Variants in MMP10 observed in about 807,000 individuals in gnomAD.
MMP10 encodes stromelysin-2.
A neutral mutation model predicts 49.1 loss-of-function variants in MMP10; 50 were observed. The observed-to-expected ratio is 1.02, with a 90% CI of 0.81 to 1.29. The LOEUF (loss-of-function observed/expected upper bound fraction) is 1.29, where lower values mean the gene tolerates loss of function less well. MMP10 is among the 50% of genes most tolerant of loss of function. MMP10 has a pLI of 0.00. For synonymous variants in MMP10, 229 were observed against 201.6 expected (o/e 1.14, Z -1.15); for missense variants, 613 against 563.8 (o/e 1.09, Z -0.88).
chr11:102,778,754 T>C lies in MMP10; in HGVS notation c.497-5A>G, dbSNP rs777365988. 1.2e-5 allele frequency: 20 copies of C among 1,613,472 alleles called. No individual in the cohort carries two copies. In the East Asian group the frequency reaches 4.0e-4, roughly 32 times the overall value. The stretch of plus-strand genomic sequence containing the variant: ...AAGAGTAAAAGTCTCCATGTTCTGA[T>C]AGGGAACAAATTAATGGAAATATAA... On this transcript the variant is annotated splice_polypyrimidine_tract_variant and splice_region_variant and intron_variant, in intron 3 of 9. Coordinates refer to ENST00000279441, the MANE Select transcript of MMP10 (RefSeq NM_002425.3).
chr11:102,779,639 C>A lies in MMP10; in HGVS notation c.212G>T (p.Gly71Val). 4 of 1,614,034 alleles carry A rather than the reference C, an allele frequency of 2.5e-6. No homozygotes were observed. Among genetic ancestry groups the A allele is most frequent in the Non-Finnish European group, 3.4e-6 (4 of 1,180,006 alleles). ...KKIQGMQKFL[G>V]LEVTGKLDTD... The stretch of plus-strand genomic sequence containing the variant: ...GTCTAGCTTCCCTGTCACCTCCAAC[C>A]CAAGGAACTTCTGCATTCCTTGGAT... Residue 71 changes from glycine to valine, a missense_variant, in exon 2 of 10, where the codon GGG (glycine) becomes GTG (valine). Coordinates refer to ENST00000279441, the MANE Select transcript of MMP10 (RefSeq NM_002425.3).
chr11:102,775,048 T>C, intron 7 of MMP10, 140 bp downstream of exon 7: 1 of 586,612 alleles, frequency 1.7e-6, no homozygotes, highest in Non-Finnish European at 2.6e-6. Context: ...TTTATAATGT[T>C]CTTTGTACAA....
rs1159786677 is a variant in MMP10 at position 102,776,768 on chromosome 11, A to C, written c.631T>G (p.Leu211Val). ...AGTTCATGAGCAGCAACGAGGAATA[A>C]ATTGGTGCCTGTATGAAAATCATAA... ...KWTEDASGTN[L>V]FLVAAHELGH... is the part of the protein sequence containing the mutation. The change falls in exon 5 of 10, where the codon TTA (leucine) becomes GTA (valine). Residue 211 changes from leucine (L) to valine (V), a missense_variant. By Grantham distance (32) the Leu-to-Val change is conservative. Coordinates refer to ENST00000279441, the MANE Select transcript of MMP10 (RefSeq NM_002425.3). 6.2e-7 allele frequency: 1 copy of C among 1,613,796 alleles called. No homozygotes were observed. The highest frequency in any genetic ancestry group is 1.7e-5 in the Admixed American group (1 of 59,920).
In MMP10 at chr11:102,772,310, A is replaced by AT. The variant is rs1218186902; in HGVS notation, c.1227-196dup. 6.6e-6 allele frequency among the ~76,000 whole-genome samples: 1 copy of AT among 152,152 alleles called. No homozygotes were observed. Among genetic ancestry groups the AT allele is most frequent in the African/African-American group, 2.4e-5 (1 of 41,428 alleles). ...TTACAAGTTTAACACATAAAACAAT[A>AT]TTTTCCAGAAACAGGAACATTATGC... On this transcript the variant is annotated intron_variant, in intron 8 of 9. Transcript: ENST00000279441. This position sits in a 1 kb window ranked among gnomAD's most constrained non-coding sequence, Gnocchi z 4.4.
rs1861969438 is a variant in MMP10 at position 102,770,891 on chromosome 11, A to T, written c.1333T>A (p.Phe445Ile). ...GATGATCCACTGAAGAAGTAGAAAA[A>T]TCCTGTAAATATAGATAAGGAAAAT... is the stretch of plus-strand genomic sequence containing the variant. ...KVDAVLQAFG[F>I]FYFFSGSSQF... is the part of the protein sequence containing the mutation. Residue 445 changes from phenylalanine (F) to isoleucine (I), a missense_variant and splice_region_variant, in exon 10 of 10, where the codon TTT (phenylalanine) becomes ATT (isoleucine). Transcript: ENST00000279441. The T allele has an allele frequency of 6.2e-7, 1 of 1,601,530 alleles. No homozygotes were observed. Among genetic ancestry groups the T allele is most frequent in the South Asian group, 1.1e-5 (1 of 89,994 alleles).
Position 102,775,349 on chromosome 11 carries a change from G to A in MMP10, c.933-28C>T, listed in dbSNP as rs377616171. The A allele has an allele frequency of 3.2e-5, 49 of 1,554,756 alleles. No homozygotes were observed. In the African/African-American group the frequency reaches 6.1e-4, roughly 19 times the overall value. ...GTAATACATAAAATTACTTGCAATT[G>A]TCTTTCTCTTTTAGATATGTGAAAA... On this transcript the variant is annotated intron_variant, in intron 6 of 9. Transcript: ENST00000279441.
At chr11:102,771,843 A>AC (rs60513020) in intron 9 of MMP10, among the ~76,000 whole-genome samples, 169 bp downstream of exon 9, 3 of 149,906 alleles carry the variant, frequency 2.0e-5, no homozygotes, top group Non-Finnish European at 4.5e-5. Context: ...ACACACACAC[A>AC]AATTTAAACC....
chr11:102,780,560 C>G lies in MMP10; in HGVS notation c.32G>C (p.Cys11Ser), dbSNP rs745755405. The G allele has an allele frequency of 6.2e-7, 1 of 1,612,460 alleles. No individual in the cohort carries two copies. Among genetic ancestry groups the G allele is most frequent in the African/African-American group, 1.3e-5 (1 of 74,892 alleles). ...AGGATAGGCAGAGCAGACTGGCAGA[C>G]ACAACAGCACAAGGAATGCAAGATG... MMHLAFLVLLCLPVCSAYPLS... is the reference protein window; with the variant it reads MMHLAFLVLLSLPVCSAYPLS... Residue 11 changes from cysteine (C) to serine (S), a missense_variant, in exon 1 of 10, where the codon TGT becomes TCT. Transcript: ENST00000279441.
chr11:102,775,207 G>A lies in MMP10; in HGVS notation c.1047C>T (p.Asp349=), dbSNP rs148135915. The change falls in exon 7 of 10, where the codon GAC becomes GAT. Residue 349 remains aspartate (D), a synonymous_variant. Transcript: ENST00000279441. ...LDAAYEVNSR[D]TVFIFKGNEF... is the part of the protein sequence containing the mutation. ...ACTCACCTTTAAAAATAAAAACGGT[G>A]TCCCTGCTGTTAACTTCATATGCAG... 4.9e-5 allele frequency: 79 copies of A among 1,597,372 alleles called. No homozygotes were observed. In the African/African-American group the frequency reaches 9.9e-4, roughly 20 times the overall value.
Position 102,770,836 on chromosome 11 carries a change from A to G in MMP10, c.1388T>C (p.Met463Thr). 6.2e-7 allele frequency: 1 copy of G among 1,613,316 alleles called. No homozygotes were observed. Among genetic ancestry groups the G allele is most frequent in the South Asian group, 1.1e-5 (1 of 90,902 alleles). Residue 463 changes from methionine (M) to threonine (T), a missense_variant, in exon 10 of 10, where the codon ATG becomes ACG. Transcript: ENST00000279441. ...GTTACTCTTTAATATGTGTGTCACC[A>G]TCCTGGCATTGGGGTCAAACTCAAA... ...SQFEFDPNAR[M>T]VTHILKSNSW... is the part of the protein sequence containing the mutation.
Position 102,776,273 on chromosome 11 carries a change from G to C in MMP10, c.932+7C>G. ...ATAGATAGGAAAATATAATTTTCTG[G>C]TCTGACCTGTCTTTAAAGAACAGAT... is the stretch of plus-strand genomic sequence containing the variant. On this transcript the variant is annotated splice_region_variant and intron_variant, in intron 6 of 9. Coordinates refer to ENST00000279441, the MANE Select transcript of MMP10 (RefSeq NM_002425.3). 6.2e-7 allele frequency: 1 copy of C among 1,610,844 alleles called. No individual in the cohort carries two copies. The highest frequency in any genetic ancestry group is 8.5e-7 in the Non-Finnish European group (1 of 1,178,484).
chr11:102,771,468 G>A (rs965267203), intron 9 of MMP10, among the ~76,000 whole-genome samples: 4 of 152,176 alleles, frequency 2.6e-5, no homozygotes, highest in Non-Finnish European at 4.4e-5. Flanking sequence ...TTCCTTCAGA[G>A]TAATCAAGAA....
Position 102,778,642 on chromosome 11 carries a change from A to AT in MMP10, c.603dup (p.Trp202MetfsTer17), listed in dbSNP as rs751234440. ...GACCCACCTGATGCATCTTCTGTCC[A>AT]TTTTTCATCATCATCAAAGTGAATA... On this transcript the variant is annotated frameshift_variant, in exon 4 of 10. Coordinates refer to ENST00000279441, the MANE Select transcript of MMP10 (RefSeq NM_002425.3). LOFTEE classifies it high-confidence loss of function. The AT allele has an allele frequency of 2.5e-6, 4 of 1,613,906 alleles. No homozygotes were observed. The East Asian group carries it at 6.7e-5, about 27-fold the overall frequency.
At position 102,779,730 on chromosome 11, in the gene MMP10, A is replaced by G; in HGVS notation, c.121T>C (p.Tyr41His). Residue 41 changes from tyrosine (Y) to histidine (H), a missense_variant, in exon 2 of 10, where the codon TAC (tyrosine) becomes CAC (histidine). By Grantham distance (83) the Tyr-to-His change is moderately conservative. Coordinates refer to ENST00000279441, the MANE Select transcript of MMP10 (RefSeq NM_002425.3). ...TTCACATCCTTTTCGAGGTTGTAGT[A>G]CTTTTCTAGGTATTGCTAATGGAAA... ...KDLAQQYLEKYYNLEKDVKQF... is the reference protein window; with the variant it reads ...KDLAQQYLEKHYNLEKDVKQF... 1.2e-6 allele frequency: 2 copies of G among 1,613,242 alleles called. No homozygotes were observed. Among genetic ancestry groups the G allele is most frequent in the Non-Finnish European group, 1.7e-6 (2 of 1,179,390 alleles).
chr11:102,776,686 A>G lies in MMP10; in HGVS notation c.713T>C (p.Leu238Pro), dbSNP rs1241902300. ...GGCGAGCTCTGTGAATGAGTTGTAG[A>G]GTGGGTACATCAAAGCTTCAGTGTT... is the stretch of plus-strand genomic sequence containing the variant. The part of the protein sequence containing the change: ...SANTEALMYP[L>P]YNSFTELAQF... The change falls in exon 5 of 10, where the codon CTC becomes CCC. Residue 238 changes from leucine to proline, a missense_variant. Coordinates refer to ENST00000279441, the MANE Select transcript of MMP10 (RefSeq NM_002425.3). 4 of 1,613,944 alleles carry G rather than the reference A, an allele frequency of 2.5e-6. No individual in the cohort carries two copies. Among genetic ancestry groups the G allele is most frequent in the Non-Finnish European group, 2.5e-6 (3 of 1,179,966 alleles).
intron 1 of MMP10, among the ~76,000 whole-genome samples, chr11:102,780,141 T>C (rs1857806422): frequency 6.6e-6 from 1 of 152,218 alleles, no homozygotes; most frequent in Admixed American, 6.5e-5. Flanking sequence ...TTACCTGATA[T>C]GATTTAAAGA....
Position 102,772,741 on chromosome 11 carries a change from G to T in MMP10, c.1226+106C>A. On this transcript the variant is annotated intron_variant, in intron 8 of 9. Coordinates refer to ENST00000279441, the MANE Select transcript of MMP10 (RefSeq NM_002425.3). This position sits in a 1 kb window ranked among gnomAD's most constrained non-coding sequence, Gnocchi z 4.4. Reference sequence around the variant, plus strand: ...CTTCCTCATAATCATAAATTTTGAAGTTAGAGAAAGTTAGAGGGTGGGTGT... The same window carrying T: ...CTTCCTCATAATCATAAATTTTGAATTTAGAGAAAGTTAGAGGGTGGGTGT... 8.5e-7 allele frequency: 1 copy of T among 1,183,406 alleles called. No homozygotes were observed. Among genetic ancestry groups the T allele is most frequent in the Non-Finnish European group, 1.2e-6 (1 of 848,580 alleles). The allele number at this position is 1,183,406 out of a possible 1,614,324, so 73.3% of individuals were successfully genotyped here. A position where few individuals can be genotyped will look rare whatever the true frequency, so the allele number is the denominator to read the frequency against.
chr11:102,771,188 T>G (rs1861972201), intron 9 of MMP10, among the ~76,000 whole-genome samples: 1 of 152,202 alleles, frequency 6.6e-6, no homozygotes. Flanking sequence ...CCAAAGGAAG[T>G]GCTCTAAAAC....
rs1861984662 is a variant in MMP10 at position 102,772,463 on chromosome 11, AAATT to A, written c.1227-352_1227-349del. Among the ~76,000 whole-genome samples the A allele has an allele frequency of 6.6e-6, 1 of 152,168 alleles. No individual in the cohort carries two copies. The highest frequency in any genetic ancestry group is 2.1e-4 in the South Asian group (1 of 4,828). ...GTAGACATAATGAATTCATAATGCA[AAATT>A]AATTAAATCACTTAGCTAAAAATAA... is the stretch of plus-strand genomic sequence containing the variant. On this transcript the variant is annotated intron_variant, in intron 8 of 9. Transcript: ENST00000279441. This position sits in a 1 kb window ranked among gnomAD's most constrained non-coding sequence, Gnocchi z 4.4.
Sources: allele counts gnomAD v4.1 joint callset (sites outside exome capture counted in the v4.1 genomes callset), GRCh38; gene constraint gnomAD v4.1.1; non-coding constraint Gnocchi (gnomAD v3.1); transcripts MANE v1.5; gene names NCBI Gene and HGNC (gene_info 2026-07-23, HGNC 2026-07-21).